The following PLSCR4 variants were observed in gnomAD, a reference collection of about 807,000 sequenced individuals.
PLSCR4 encodes Ca(2+)-dependent phospholipid scramblase 4.
In PLSCR4, 25 loss-of-function variants were observed where a neutral mutation model predicts 36.3. The ratio of observed to expected loss-of-function variants is 0.69; its 90% confidence interval spans 0.50 to 0.96. The LOEUF (loss-of-function observed/expected upper bound fraction) is 0.96. Ranked by LOEUF, PLSCR4 falls within the 40% of genes least tolerant of loss-of-function variation. The pLI, the probability that PLSCR4 is intolerant of heterozygous loss-of-function variation, is 0.00. For synonymous variants in PLSCR4, 122 were observed against 132.9 expected, an observed-to-expected ratio of 0.92 and a Z score of 0.56; for missense variants, 408 against 414.7, an observed-to-expected ratio of 0.98 and a Z score of 0.14.
chr3:146,246,328 C>T (rs942610355), intron 1 of PLSCR4, among the ~76,000 whole-genome samples: 1 of 151,910 alleles, frequency 6.6e-6, no homozygotes, highest in African/African-American at 2.4e-5. Context: ...TAACCTATAT[C>T]AATATATTTA....
rs1272984787 is a variant in PLSCR4 at position 146,192,627 on chromosome 3, T to A, written c.*1784A>T. ...ATATATTTATTATGATGCAGCAGGTTTTGGAATACAGGGATTTAGGCAAGT... is the reference window on the plus strand; with the variant it reads ...ATATATTTATTATGATGCAGCAGGTATTGGAATACAGGGATTTAGGCAAGT... On this transcript the variant is annotated 3_prime_UTR_variant, in exon 9 of 9. Transcript: ENST00000354952. 1 of 151,776 alleles carries A rather than the reference T, an allele frequency of 6.6e-6. No individual in the cohort carries two copies. Among genetic ancestry groups the A allele is most frequent in the Non-Finnish European group, 1.5e-5 (1 of 67,932 alleles). The allele number at this position is 151,776 out of a possible 1,614,324, so 9.4% of individuals were successfully genotyped here.
rs1263234752 is a variant in PLSCR4, at chr3:146,225,642, G to A, written c.-21-3550C>T. On this transcript the variant is annotated intron_variant, in intron 1 of 8. Coordinates refer to ENST00000354952, the MANE Select transcript of PLSCR4 (RefSeq NM_020353.3). ...CACCGGTGGGCTGGCACTGCTGGAGGACTCACTACACCCTCCGCAGCCACT... is the reference window on the plus strand; with the variant it reads ...CACCGGTGGGCTGGCACTGCTGGAGAACTCACTACACCCTCCGCAGCCACT... 3.3e-5 allele frequency among the ~76,000 whole-genome samples: 5 copies of A among 152,306 alleles called. No homozygotes were observed. In the East Asian group the frequency reaches 7.7e-4, roughly 24 times the overall value.
chr3:146,247,099 A>T (rs1476468597), intron 1 of PLSCR4, among the ~76,000 whole-genome samples: 1 of 152,154 alleles, frequency 6.6e-6, no homozygotes, highest in East Asian at 1.9e-4. Flanking sequence ...CAGTCCATAT[A>T]ACCTCATTCT....
intron 3 of PLSCR4, among the ~76,000 whole-genome samples, chr3:146,207,641 A>T (rs967682603): frequency 3.3e-5 from 5 of 152,048 alleles, no homozygotes; most frequent in African/African-American, 1.2e-4. Flanking sequence ...ATTTTCTCTG[A>T]AAGGCCCCAC....
chr3:146,206,000 A>AG (rs1326064686), intron 4 of PLSCR4, among the ~76,000 whole-genome samples: 2 of 152,050 alleles, frequency 1.3e-5, no homozygotes, highest in Non-Finnish European at 2.9e-5. Context: ...TGTTGTATGA[A>AG]GGGGGTCTCT....
chr3:146,241,475 G>C (rs2036147871), intron 1 of PLSCR4, among the ~76,000 whole-genome samples: 1 of 152,106 alleles, frequency 6.6e-6, no homozygotes. Flanking sequence ...ACAAGATACA[G>C]CAATCCTAAG....
At chr3:146,198,302 T>C (rs955633936) in intron 6 of PLSCR4, among the ~76,000 whole-genome samples, 8 of 152,054 alleles carry the variant, frequency 5.3e-5, no homozygotes, top group Non-Finnish European at 1.2e-4. Flanking sequence ...ACAAACTAAA[T>C]GTATACACAC....
chr3:146,248,792 A>G (rs2107875755), intron 1 of PLSCR4, among the ~76,000 whole-genome samples: 1 of 152,302 alleles, frequency 6.6e-6, no homozygotes, highest in South Asian at 2.1e-4. Context: ...ACATTTGTAA[A>G]TCTGAACAGC....
In PLSCR4 at chr3:146,192,543, A is replaced by G. The variant is rs2033446642; in HGVS notation, c.*1868T>C. ...AAAGAAAATTTTAACTCTAAGAGAC[A>G]AATATAATTTTTTAAAAAAGAAATT... On this transcript the variant is annotated 3_prime_UTR_variant, in exon 9 of 9. Coordinates refer to ENST00000354952, the MANE Select transcript of PLSCR4 (RefSeq NM_020353.3). The G allele has an allele frequency of 6.6e-6, 1 of 151,658 alleles. No individual in the cohort carries two copies. 9.4% of individuals were successfully genotyped at this position (151,658 alleles called of 1,614,324 possible).
In PLSCR4 at chr3:146,196,738, T is replaced by C. The variant is rs774535802; in HGVS notation, c.680A>G (p.Asn227Ser). ...GATGCTGTACACCGCCCTGCACAGGTTCCAATGTTCCGCAACAAAGCCAAT... is the reference window on the plus strand; with the variant it reads ...GATGCTGTACACCGCCCTGCACAGGCTCCAATGTTCCGCAACAAAGCCAAT... ...VTIGFVAEHW[N>S]LCRAVYSIQN... The change falls in exon 7 of 9, where the codon AAC (asparagine) becomes AGC (serine). Residue 227 changes from asparagine (N) to serine (S), a missense_variant. Asn to Ser is a conservative substitution (Grantham distance 46). Transcript: ENST00000354952. The C allele has an allele frequency of 1.2e-6, 2 of 1,613,754 alleles. No homozygotes were observed. Among genetic ancestry groups the C allele is most frequent in the African/African-American group, 2.7e-5 (2 of 74,878 alleles).
chr3:146,222,095 G>A lies in PLSCR4; in HGVS notation c.-21-3C>T. The A allele has an allele frequency of 1.8e-6, 2 of 1,108,894 alleles. No homozygotes were observed. The highest frequency in any genetic ancestry group is 1.9e-5 in the South Asian group (1 of 52,854). The allele number at this position is 1,108,894 out of a possible 1,614,324, so 68.7% of individuals were successfully genotyped here. ...ATTTTGAAGAATTCCAATTAATCCT[G>A]AAAAATAAAAAATGTTAATGCCTTT... is the stretch of plus-strand genomic sequence containing the variant. On this transcript the variant is annotated splice_region_variant and splice_polypyrimidine_tract_variant and intron_variant, in intron 1 of 8. Transcript: ENST00000354952.
At chr3:146,196,824 T>A in intron 6 of PLSCR4, 31 bp from the exon 7 acceptor site, 1 of 1,604,664 alleles carries the variant, frequency 6.2e-7, no homozygotes, top group South Asian at 1.1e-5. Context: ...GAAGTTAGGA[T>A]GCTACATGCA....
chr3:146,230,406 T>C (rs2035660328), intron 1 of PLSCR4, among the ~76,000 whole-genome samples: 1 of 152,136 alleles, frequency 6.6e-6, no homozygotes, highest in Admixed American at 6.6e-5. Flanking sequence ...TTTGTGTTTC[T>C]ATGTGTATGC....
rs2033549337 is a variant in PLSCR4, at chr3:146,193,780, TA to T, written c.*630del. On this transcript the variant is annotated 3_prime_UTR_variant, in exon 9 of 9. Transcript: ENST00000354952. ...AGTGAATGAGAAAACAAGCATGGAA[TA>T]TATAAACTTTAACATTAAAAAATGT... The T allele has an allele frequency of 6.6e-6, 1 of 152,204 alleles. No homozygotes were observed. The highest frequency in any genetic ancestry group is 1.5e-5 in the Non-Finnish European group (1 of 68,044). The allele number at this position is 152,204 out of a possible 1,614,324, so 9.4% of individuals were successfully genotyped here.
intron 3 of PLSCR4, among the ~76,000 whole-genome samples, chr3:146,209,852 G>T (rs2034531179): frequency 6.6e-6 from 1 of 152,016 alleles, no homozygotes; most frequent in South Asian, 2.1e-4. Flanking sequence ...GGAAGGCCAG[G>T]CTCAGATAAA....
intron 1 of PLSCR4, among the ~76,000 whole-genome samples, chr3:146,249,888 CA>C (rs1559933414): frequency 6.6e-6 from 1 of 151,902 alleles, no homozygotes; most frequent in Non-Finnish European, 1.5e-5. Flanking sequence ...TATTTCATGC[CA>C]AACTGAATTT....
At chr3:146,194,513 G>A (rs2033607385) in intron 8 of PLSCR4, 58 bp from the exon 9 acceptor site, 9 of 975,312 alleles carry the variant, frequency 9.2e-6, no homozygotes, top group Admixed American at 3.7e-5. Flanking sequence ...TAATGCATGC[G>A]GTATTATCCT....
chr3:146,196,095 G>T (rs1336600949), intron 7 of PLSCR4, among the ~76,000 whole-genome samples: 1 of 151,984 alleles, frequency 6.6e-6, no homozygotes, highest in Non-Finnish European at 1.5e-5. Flanking sequence ...TGAGATAAAG[G>T]CAAAACAAAA....
intron 3 of PLSCR4, among the ~76,000 whole-genome samples, chr3:146,217,180 T>C (rs985827542): frequency 6.6e-6 from 1 of 152,186 alleles, no homozygotes; most frequent in East Asian, 1.9e-4. Flanking sequence ...AGGTGAATGG[T>C]TGTCACGAAG....
Sources: gnomAD v4.1 joint callset for allele counts (sites outside exome capture counted in the v4.1 genomes callset) on GRCh38, gnomAD v4.1.1 for gene constraint, MANE v1.5 for transcripts, NCBI Gene and HGNC (gene_info 2026-07-23, HGNC 2026-07-21) for gene names.